Variants in RNF130 observed in about 807,000 individuals in gnomAD.
The protein encoded by RNF130 is E3 ubiquitin-protein ligase RNF130.
In RNF130, 21 loss-of-function variants were observed where a neutral mutation model predicts 44.6. The ratio of observed to expected loss-of-function variants is 0.47; its 90% CI spans 0.33 to 0.68. The LOEUF (loss-of-function observed/expected upper bound fraction) is 0.68. Ranked by LOEUF, RNF130 falls within the 30% of genes least tolerant of loss-of-function variation. The probability of loss-of-function intolerance (pLI) is 0.02; values close to 1 mark genes in which losing one functional copy is unlikely to be tolerated. For missense variants in RNF130, 479 were observed against 560.6 expected, an observed-to-expected ratio of 0.85 and a Z score of 1.47; for synonymous variants, 214 against 210.4, an observed-to-expected ratio of 1.02 and a Z score of -0.15.
chr5:180,052,228 C>A (rs1179670641), intron 1 of RNF130, among the ~76,000 whole-genome samples: 1 of 152,248 alleles, frequency 6.6e-6, no homozygotes, highest in Admixed American at 6.5e-5. Flanking sequence ...AAATCTCCCT[C>A]TTGAGCTTTT....
chr5:179,916,863 A>G (rs1293701585), exon 8 of RNF130: 1 of 152,426 alleles, frequency 6.6e-6, no homozygotes, highest in Non-Finnish European at 1.5e-5. Context: ...GATTAACAGG[A>G]AAGAGGGGTT....
At chr5:180,015,746 A>AGGAAAAGGAGTAGGAAAGGAGTAG (rs1763712472) in intron 2 of RNF130, among the ~76,000 whole-genome samples, 1 of 105,610 alleles carries the variant, frequency 9.5e-6, no homozygotes, top group East Asian at 3.0e-4. Flanking sequence ...GAAAAGGAGT[A>AGGAAAAGGAGTAGGAAAGGAGTAG]GGAAAGGAGT....
chr5:179,998,886 T>TATATATATA (rs1389273465), intron 3 of RNF130, among the ~76,000 whole-genome samples: 74 of 105,742 alleles, frequency 7.0e-4, no homozygotes, highest in African/African-American at 1.0e-3. Flanking sequence ...TATATATATG[T>TATATATATA]TTTATATATC....
intron 3 of RNF130, 143 bp from the exon 4 acceptor site, chr5:179,980,343 A>C (rs914706426): frequency 2.9e-5 from 20 of 690,428 alleles, no homozygotes; most frequent in African/African-American, 7.2e-5. Context: ...ATAAAATAGA[A>C]AAAATGGTGG....
At chr5:179,950,255 T>TA (rs1017282009), downstream of RNF130, among the ~76,000 whole-genome samples, 1 of 152,050 alleles carries the variant, frequency 6.6e-6, no homozygotes, top group Non-Finnish European at 1.5e-5. Context: ...TAGCTGGAAT[T>TA]ATAGGCACCT....
At chr5:179,975,829 C>G (rs1762705294) in intron 5 of RNF130, among the ~76,000 whole-genome samples, 1 of 152,178 alleles carries the variant, frequency 6.6e-6, no homozygotes. Context: ...AAACACAAAC[C>G]ACTTCTATGG....
intron 1 of RNF130, among the ~76,000 whole-genome samples, chr5:180,067,237 AT>A (rs770438801): frequency 1.5e-4 from 23 of 151,628 alleles, no homozygotes; most frequent in African/African-American, 3.9e-4. Context: ...CATGAAGGTG[AT>A]TTTTTTTTAA....
intron 1 of RNF130, among the ~76,000 whole-genome samples, chr5:180,059,964 G>C (rs1469509876): frequency 2.6e-5 from 4 of 152,204 alleles, no homozygotes; most frequent in African/African-American, 9.7e-5. Context: ...ACAATAAAGA[G>C]ATTCTCCTGG....
intron 3 of RNF130, among the ~76,000 whole-genome samples, chr5:179,992,842 T>A (rs976747588): frequency 6.6e-6 from 1 of 152,198 alleles, no homozygotes; most frequent in Non-Finnish European, 1.5e-5. Context: ...ATCATTTACA[T>A]TAGGTATATC....
chr5:179,931,327 G>C (rs1761804209), intron 7 of RNF130, among the ~76,000 whole-genome samples: 2 of 152,198 alleles, frequency 1.3e-5, no homozygotes, highest in South Asian at 4.1e-4. Context: ...GACAATGGTA[G>C]TATTTGTTTT....
intron 5 of RNF130, among the ~76,000 whole-genome samples, chr5:179,973,019 T>A (rs1330124441): frequency 6.6e-6 from 1 of 152,044 alleles, no homozygotes; most frequent in African/African-American, 2.4e-5. Context: ...TTAGAAAACC[T>A]CCCTTCCTCA....
chr5:179,945,671 A>G (rs1762026425), intron 7 of RNF130, among the ~76,000 whole-genome samples: 2 of 152,304 alleles, frequency 1.3e-5, no homozygotes, highest in Non-Finnish European at 1.5e-5. Context: ...TGTTGAATGT[A>G]TCGGAGGTGC....
chr5:179,962,890 C>A (rs1762366547), intron 8 of RNF130, among the ~76,000 whole-genome samples: 1 of 152,162 alleles, frequency 6.6e-6, no homozygotes, highest in South Asian at 2.1e-4. Flanking sequence ...GTGAAGCCTG[C>A]CGTCATGGAG....
chr5:180,059,108 C>T (rs1764908719), intron 1 of RNF130, among the ~76,000 whole-genome samples: 1 of 152,170 alleles, frequency 6.6e-6, no homozygotes, highest in South Asian at 2.1e-4. Context: ...CTGTGCCCCA[C>T]TCTCCCCCTT....
intron 1 of RNF130, among the ~76,000 whole-genome samples, chr5:180,062,187 TG>T (rs1204107683): frequency 1.3e-5 from 2 of 152,004 alleles, no homozygotes; most frequent in African/African-American, 2.4e-5. Context: ...CCTGAGTAGC[TG>T]GGACTACAGG....
chr5:179,954,526 C>T (rs1160201446), downstream of RNF130, among the ~76,000 whole-genome samples: 1 of 152,108 alleles, frequency 6.6e-6, no homozygotes, highest in African/African-American at 2.4e-5. Context: ...CAGGCAAATC[C>T]ATAGAAACAA....
rs190845234 is a variant in RNF130, at chr5:180,034,836, A to G, written c.442+5617T>C. Among the ~76,000 whole-genome samples the G allele has an allele frequency of 6.6e-5, 10 of 152,360 alleles. No individual in the cohort carries two copies. In the East Asian group the frequency reaches 1.5e-3, roughly 23 times the overall value. ...GTGGATGGTCATGGGGACCCCAGAC[A>G]TAGTTACCATAAAGTTCTTCACAAT... On this transcript the variant is annotated intron_variant, in intron 2 of 8. Coordinates refer to ENST00000521389, the MANE Select transcript of RNF130 (RefSeq NM_018434.6).
chr5:179,939,553 T>G, intron 7 of RNF130: 1 of 300,164 alleles, frequency 3.3e-6, no homozygotes. Flanking sequence ...CAACAACTCT[T>G]TTTAGTGATG....
At chr5:179,993,374 C>T (rs1470043847) in intron 3 of RNF130, among the ~76,000 whole-genome samples, 4 of 152,204 alleles carry the variant, frequency 2.6e-5, no homozygotes, top group Non-Finnish European at 4.4e-5. Context: ...TCCACATCCT[C>T]TCCAGCACCT....
Sources: gnomAD v4.1 joint callset for allele counts (sites outside exome capture counted in the v4.1 genomes callset) on GRCh38, gnomAD v4.1.1 for gene constraint, MANE v1.5 for transcripts, NCBI Gene and HGNC (gene_info 2026-07-23, HGNC 2026-07-21) for gene names.